ECSIT: variants seen among roughly 807,000 people sequenced by gnomAD.
The protein encoded by ECSIT is evolutionarily conserved signaling intermediate in Toll pathway, mitochondrial.
In ECSIT, 29 loss-of-function variants were observed where a neutral mutation model predicts 36.8. The observed-to-expected ratio is 0.79, with a 90% CI of 0.59 to 1.08. The LOEUF is 1.08. Ranked by LOEUF, ECSIT falls within the 50% of genes least tolerant of loss-of-function variation. The probability of loss-of-function intolerance (pLI) is 0.00; values close to 1 mark genes in which losing one functional copy is unlikely to be tolerated. For missense variants in ECSIT, 542 were observed against 581.0 expected (o/e 0.93, Z 0.69); for synonymous variants, 231 against 234.8 (o/e 0.98, Z 0.15).
At chr19:11,509,028 TA>T (rs1386863285) in intron 4 of ECSIT, among the ~76,000 whole-genome samples, 1 of 151,974 alleles carries the variant, frequency 6.6e-6, no homozygotes, top group Non-Finnish European at 1.5e-5. Flanking sequence ...TTTTATCTTT[TA>T]AAATTTTATA....
At position 11,507,564 on chromosome 19, in the gene ECSIT, T is replaced by C; in HGVS notation, c.946-2A>G. On this transcript the variant is annotated splice_acceptor_variant, in intron 6 of 7. Transcript: ENST00000270517. LOFTEE classifies it high-confidence loss of function. The stretch of plus-strand genomic sequence containing the variant: ...CTCCTCCGGCGTCTCTTCCACTTCC[T>C]ACTCCAAGGTGGGGAGTGCAGGCGG... 6.2e-7 allele frequency: 1 copy of C among 1,613,852 alleles called. No homozygotes were observed. The highest frequency in any genetic ancestry group is 8.5e-7 in the Non-Finnish European group (1 of 1,179,850).
intron 4 of ECSIT, among the ~76,000 whole-genome samples, chr19:11,510,379 T>C (rs1056138682): frequency 2.0e-5 from 3 of 151,814 alleles, no homozygotes; most frequent in Non-Finnish European, 4.4e-5. Context: ...GGTCTTGCCA[T>C]GTTGCCCAGG....
rs759969546 is a variant in ECSIT, at chr19:11,514,013, C to T, written c.305G>A (p.Arg102His). 9.9e-6 allele frequency: 16 copies of T among 1,614,242 alleles called. No individual in the cohort carries two copies. The East Asian group carries it at 1.6e-4, about 16-fold the overall frequency. Residue 102 changes from arginine (R) to histidine (H), a missense_variant, in exon 3 of 8, where the codon CGT becomes CAT. Arg to His is a conservative substitution (Grantham distance 29, BLOSUM62 0). Coordinates refer to ENST00000270517, the MANE Select transcript of ECSIT (RefSeq NM_016581.5). Reference sequence around the variant, plus strand: ...GATGAAGTCAATGTGGCCCCGCTTACGCACGCTGTGCTCCGCAAATTTCTG... The same window carrying T: ...GATGAAGTCAATGTGGCCCCGCTTATGCACGCTGTGCTCCGCAAATTTCTG... ...TVQKFAEHSV[R>H]KRGHIDFIYL... is the part of the protein sequence containing the mutation.
intron 1 of ECSIT, chr19:11,525,495 C>T (rs1056904425): frequency 6.6e-6 from 1 of 151,710 alleles, no homozygotes; most frequent in Non-Finnish European, 1.5e-5. Context: ...CTGAGCAACA[C>T]AGCAAGACCC....
chr19:11,528,873 C>T (rs988530523), intron 1 of ECSIT, 189 bp downstream of exon 1: 1 of 152,266 alleles, frequency 6.6e-6, no homozygotes, highest in Non-Finnish European at 1.5e-5. Flanking sequence ...AAATGGGAGA[C>T]TGGGGGCGTG....
chr19:11,515,693 A>G (rs925091440), intron 2 of ECSIT, among the ~76,000 whole-genome samples: 5 of 151,278 alleles, frequency 3.3e-5, no homozygotes, highest in African/African-American at 1.2e-4. Flanking sequence ...GAGTGCAGTC[A>G]CACGATCTCA....
Position 11,513,786 on chromosome 19 carries a change from C to T in ECSIT, c.514+18G>A. The T allele has an allele frequency of 6.2e-7, 1 of 1,613,464 alleles. No homozygotes were observed. Among genetic ancestry groups the T allele is most frequent in the Non-Finnish European group, 8.5e-7 (1 of 1,179,946 alleles). On this transcript the variant is annotated intron_variant, in intron 3 of 7. Transcript: ENST00000270517. ...AGTGTAGCCCACTCCCCACCCTGCGCCAGCCTCCTGGCCTCACCGTGGTTC... is the reference window on the plus strand; with the variant it reads ...AGTGTAGCCCACTCCCCACCCTGCGTCAGCCTCCTGGCCTCACCGTGGTTC...
rs1396651791 is a variant in ECSIT at position 11,525,996 on chromosome 19, G to A, written c.-24+3066C>T. The stretch of plus-strand genomic sequence containing the variant: ...TTTTTTTTTTCCCAGGCGGAGTCTT[G>A]CTCTGTCGCCCAGGCTGGAGTGCAG... On this transcript the variant is annotated intron_variant, in intron 1 of 7. Coordinates refer to ENST00000270517, the MANE Select transcript of ECSIT (RefSeq NM_016581.5). 3.3e-5 allele frequency among the ~76,000 whole-genome samples: 5 copies of A among 150,912 alleles called. No homozygotes were observed. The East Asian group carries it at 9.8e-4, about 30-fold the overall frequency.
In ECSIT at chr19:11,513,974, C is replaced by A. The variant is rs141406930; in HGVS notation, c.344G>T (p.Arg115Leu). ...GHIDFIYLAL[R>L]KMREYGVERD... ...CTCGACACCATACTCCCGCATCTTG[C>A]GCAGGGCCAGGTAGATGAAGTCAAT... Residue 115 changes from arginine (R) to leucine (L), a missense_variant, in exon 3 of 8, where the codon CGC becomes CTC. Arg to Leu is a moderately radical substitution (Grantham distance 102). Coordinates refer to ENST00000270517, the MANE Select transcript of ECSIT (RefSeq NM_016581.5). 1.4e-4 allele frequency: 231 copies of A among 1,614,104 alleles called. No homozygotes were observed. The highest frequency in any genetic ancestry group is 1.8e-4 in the Non-Finnish European group (216 of 1,180,056).
At chr19:11,525,903 G>A (rs1010739443) in intron 1 of ECSIT, among the ~76,000 whole-genome samples, 3 of 150,978 alleles carry the variant, frequency 2.0e-5, no homozygotes, top group Admixed American at 2.0e-4. Flanking sequence ...CAACAAGAGC[G>A]AAACTCCATC....
chr19:11,513,802 A>T lies in ECSIT; in HGVS notation c.514+2T>A. ...CACCCTGCGCCAGCCTCCTGGCCTC[A>T]CCGTGGTTCTCCATCTGCTCCAGGA... On this transcript the variant is annotated splice_donor_variant, in intron 3 of 7. Coordinates refer to ENST00000270517, the MANE Select transcript of ECSIT (RefSeq NM_016581.5). LOFTEE classifies it high-confidence loss of function. 6.2e-7 allele frequency: 1 copy of T among 1,613,822 alleles called. No individual in the cohort carries two copies. The highest frequency in any genetic ancestry group is 8.5e-7 in the Non-Finnish European group (1 of 1,179,968).
intron 2 of ECSIT, among the ~76,000 whole-genome samples, chr19:11,515,205 G>A (rs1446991605): frequency 6.7e-6 from 1 of 150,000 alleles, no homozygotes; most frequent in Non-Finnish European, 1.5e-5. Flanking sequence ...CCGGGTTCAC[G>A]CCATTCTCCT....
At chr19:11,507,161 G>A (rs997619181) in intron 7 of ECSIT, among the ~76,000 whole-genome samples, 13 of 152,170 alleles carry the variant, frequency 8.5e-5, no homozygotes, top group African/African-American at 2.9e-4. Flanking sequence ...GTGTGCGGCC[G>A]GAGGACGAGG....
chr19:11,508,298 C>G lies in ECSIT; in HGVS notation c.739-250G>C, dbSNP rs1047976533. 2.0e-5 allele frequency among the ~76,000 whole-genome samples: 3 copies of G among 151,954 alleles called. No homozygotes were observed. In the South Asian group the frequency reaches 6.2e-4, roughly 31 times the overall value. On this transcript the variant is annotated intron_variant, in intron 4 of 7. Transcript: ENST00000270517. ...GTCAAAATCCTGGCTCTGTCACAAG[C>G]TGTGTGACCTTGGCCAAGTCACTGT...
intron 6 of ECSIT, 49 bp from the exon 7 acceptor site, chr19:11,507,611 CG>C (rs1031188090): frequency 6.2e-7 from 1 of 1,612,796 alleles, no homozygotes; most frequent in African/African-American, 1.3e-5. Context: ...AGGGCTCTCT[CG>C]GTCTCCCTCC....
At chr19:11,517,438 A>T (rs1178654142) in intron 2 of ECSIT, among the ~76,000 whole-genome samples, 9 of 151,890 alleles carry the variant, frequency 5.9e-5, no homozygotes, top group Admixed American at 5.9e-4. Context: ...TCTACCAAAA[A>T]TGCAAAAATT....
Position 11,507,802 on chromosome 19 carries a change from G to A in ECSIT, c.845C>T (p.Ala282Val). Reference protein sequence around the residue: ...QQAALARHNPARPVFVEGPFS... With the variant: ...QQAALARHNPVRPVFVEGPFS... ...GGGGCCCTCAACAAAGACAGGCCGG[G>A]CTGGATTGTGGCGGGCCAGGGCGGC... The change falls in exon 6 of 8, where the codon GCC (alanine) becomes GTC (valine). Residue 282 changes from alanine (A) to valine (V), a missense_variant. Transcript: ENST00000270517. 1 of 1,614,084 alleles carries A rather than the reference G, an allele frequency of 6.2e-7. No homozygotes were observed. Among genetic ancestry groups the A allele is most frequent in the Non-Finnish European group, 8.5e-7 (1 of 1,180,034 alleles).
At chr19:11,510,338 G>A (rs930447110) in intron 4 of ECSIT, among the ~76,000 whole-genome samples, 3 of 151,304 alleles carry the variant, frequency 2.0e-5, no homozygotes, top group Non-Finnish European at 2.9e-5. Flanking sequence ...ACCACTCCCA[G>A]CTAATTTTCG....
rs1245679779 is a variant in ECSIT, at chr19:11,519,813, C to CA, written c.-23-621dup. On this transcript the variant is annotated intron_variant, in intron 1 of 7. Transcript: ENST00000270517. The surrounding 1 kb of genome is among the most constrained non-coding windows in gnomAD (Gnocchi z 4.4). ...AGAAACCCCATCGCTACTAAAAATA[C>CA]AAAAAATTAGCCGAGCATGGTGGCG... 1 of 152,440 alleles carries CA rather than the reference C, an allele frequency of 6.6e-6. No individual in the cohort carries two copies. Among genetic ancestry groups the CA allele is most frequent in the Non-Finnish European group, 1.5e-5 (1 of 68,434 alleles). 9.4% of individuals were successfully genotyped at this position (152,440 alleles called of 1,614,324 possible).
Sources: allele counts gnomAD v4.1 joint callset (sites outside exome capture counted in the v4.1 genomes callset), GRCh38; gene constraint gnomAD v4.1.1; non-coding constraint Gnocchi (gnomAD v3.1); transcripts MANE v1.5; gene names NCBI Gene and HGNC (gene_info 2026-07-23, HGNC 2026-07-21).